Variants in RTN4 observed in about 807,000 individuals in gnomAD.
The protein encoded by RTN4 is reticulon 4, also known as reticulon-4.
RTN4 carries 32 observed loss-of-function variants against 90.4 expected under a neutral mutation model. The ratio of observed to expected loss-of-function variants is 0.35; its 90% CI spans 0.27 to 0.48. The LOEUF (loss-of-function observed/expected upper bound fraction) is 0.48, where lower values mean the gene tolerates loss of function less well. Among genes scored for constraint, RTN4 ranks in the 20% least tolerant of loss-of-function variants. The pLI is 0.99. For missense variants in RTN4, 1,706 were observed against 1,430.2 expected, an observed-to-expected ratio of 1.19 and a Z score of -3.11; for synonymous variants, 629 against 552.5, an observed-to-expected ratio of 1.14 and a Z score of -1.94.
the RTN4 span, among the ~76,000 whole-genome samples, chr2:55,122,935 T>C: frequency 1.3e-5 from 2 of 152,224 alleles, no homozygotes; most frequent in African/African-American, 2.4e-5. Context: ...AATACAAATG[T>C]ACACATGGAC....
intron 3 of RTN4, among the ~76,000 whole-genome samples, chr2:55,001,201 T>G (rs1188131976): frequency 6.6e-6 from 1 of 152,138 alleles, no homozygotes; most frequent in African/African-American, 2.4e-5. Context: ...TTCATTTTAT[T>G]AAAAAACCAA....
rs199604209 is a variant in RTN4, at chr2:54,972,231, C to T, written c.*925G>A. On this transcript the variant is annotated 3_prime_UTR_variant, in exon 9 of 9. Coordinates refer to ENST00000337526, the MANE Select transcript of RTN4 (RefSeq NM_020532.5). The stretch of plus-strand genomic sequence containing the variant: ...TTATTGATACTTTGCTTTTACAGTT[C>T]ACAATGCATTCCACAGATTTAGTTC... 1 of 152,650 alleles carries T rather than the reference C, an allele frequency of 6.6e-6. No individual in the cohort carries two copies. The highest frequency in any genetic ancestry group is 1.5e-5 in the Non-Finnish European group (1 of 68,042). The allele number at this position is 152,650 out of a possible 1,614,324, so 9.5% of individuals were successfully genotyped here.
chr2:55,010,532 CT>C (rs748400028), intron 3 of RTN4: 2 of 181,266 alleles, frequency 1.1e-5, no homozygotes, highest in Non-Finnish European at 2.1e-5. Flanking sequence ...TTTTTTCTTT[CT>C]TTTTTTAACA....
Position 55,000,159 on chromosome 2 carries a change from T to A in RTN4, c.3014-12461A>T, listed in dbSNP as rs978839251. Among the ~76,000 whole-genome samples the A allele has an allele frequency of 3.9e-5, 6 of 152,278 alleles. No homozygotes were observed. In the South Asian group the frequency reaches 1.0e-3, roughly 26 times the overall value. ...TCAAATATTATATGTAATGCTTAGC[T>A]AAGCCCTGATTTTTTAAAAAAGGTG... is the stretch of plus-strand genomic sequence containing the variant. On this transcript the variant is annotated intron_variant, in intron 3 of 8. Coordinates refer to ENST00000337526, the MANE Select transcript of RTN4 (RefSeq NM_020532.5).
chr2:55,132,880 C>G, the RTN4 span, among the ~76,000 whole-genome samples: 2 of 100,986 alleles, frequency 2.0e-5, no homozygotes, highest in African/African-American at 7.4e-5. Context: ...AGTTCTCACT[C>G]TCCAGTTTTG....
Position 54,987,522 on chromosome 2 carries a change from T to C in RTN4, c.3190A>G (p.Ile1064Val). ...GGGTGGCCTTCATCTGATTTCTGGA[T>C]AGCTTGGATCACACCCTTGTATATC... is the stretch of plus-strand genomic sequence containing the variant. ...FRIYKGVIQA[I>V]QKSDEGHPFR... Residue 1064 changes from isoleucine (I) to valine (V), a missense_variant, in exon 4 of 9, where the codon ATC becomes GTC. Physicochemically the swap from Ile to Val is conservative, Grantham distance 29 (BLOSUM62 3). Transcript: ENST00000337526. The C allele has an allele frequency of 6.2e-7, 1 of 1,614,158 alleles. No homozygotes were observed. Among genetic ancestry groups the C allele is most frequent in the Non-Finnish European group, 8.5e-7 (1 of 1,179,990 alleles).
chr2:55,015,602 A>C (rs1680973748), intron 3 of RTN4, among the ~76,000 whole-genome samples: 1 of 152,218 alleles, frequency 6.6e-6, no homozygotes, highest in Admixed American at 6.5e-5. Context: ...ACAAACTGCC[A>C]ACATGTTCAC....
At chr2:55,122,545 G>A in the RTN4 span, among the ~76,000 whole-genome samples, 1 of 152,222 alleles carries the variant, frequency 6.6e-6, no homozygotes, top group Non-Finnish European at 1.5e-5. Flanking sequence ...TGTTTTGTAA[G>A]TGACGTCTGA....
intron 1 of RTN4, among the ~76,000 whole-genome samples, chr2:55,082,630 G>A (rs891615824): frequency 1.3e-5 from 2 of 152,144 alleles, no homozygotes; most frequent in South Asian, 4.1e-4. Context: ...TATGTATTAT[G>A]CTAAGTTCTA....
intron 1 of RTN4, among the ~76,000 whole-genome samples, chr2:55,082,265 C>A (rs891662347): frequency 6.6e-6 from 1 of 152,206 alleles, no homozygotes; most frequent in African/African-American, 2.4e-5. Flanking sequence ...TCTCCCTAAG[C>A]TCTTCCATAG....
At position 55,025,720 on chromosome 2, in the gene RTN4, A is replaced by G. The variant is rs928355171; in HGVS notation, c.2379T>C (p.Pro793=). ...ENKEKLSALP[P]EGGKPYLESF... ...ATTCCAAATATGGCTTTCCTCCCTC[A>G]GGTGGCAAAGCACTGAGTTTTTCCT... Residue 793 remains proline (P), a synonymous_variant, in exon 3 of 9, where the codon CCT becomes CCC. Coordinates refer to ENST00000337526, the MANE Select transcript of RTN4 (RefSeq NM_020532.5). 7 of 1,613,678 alleles carry G rather than the reference A, an allele frequency of 4.3e-6. No homozygotes were observed. The South Asian group carries it at 4.4e-5, about 10-fold the overall frequency.
chr2:55,087,623 T>C (rs748430306), intron 1 of RTN4, among the ~76,000 whole-genome samples: 5 of 152,152 alleles, frequency 3.3e-5, no homozygotes, highest in Non-Finnish European at 7.4e-5. Flanking sequence ...GTTTCCATTT[T>C]TTCATGATTA....
rs565013149 is a variant in RTN4, at chr2:55,081,119, G to A, written c.-213-480C>T. Among the ~76,000 whole-genome samples the A allele has an allele frequency of 8.6e-5, 13 of 152,012 alleles. 1 individual carries two copies. The highest frequency in any genetic ancestry group is 7.9e-4 in the Admixed American group (12 of 15,258). ...AAACAGGAGCTCACTCTGTCACCCAGGCTGGAGCGCAGTGGCATGATCACA... is the reference window on the plus strand; with the variant it reads ...AAACAGGAGCTCACTCTGTCACCCAAGCTGGAGCGCAGTGGCATGATCACA... On this transcript the variant is annotated intron_variant, in intron 1 of 3. Transcript: ENST00000427710.
upstream of RTN4, chr2:55,050,516 C>A: frequency 2.6e-6 from 1 of 388,864 alleles, no homozygotes; most frequent in Non-Finnish European, 4.6e-6. The surrounding 1 kb of genome is among the most constrained non-coding windows in gnomAD (Gnocchi z 4.6). Flanking sequence ...TTGCCGCCGC[C>A]GCCCAGATGA....
At chr2:55,049,580 C>G (rs1415663910) in intron 1 of RTN4, 165 bp downstream of exon 1, 1 of 1,174,364 alleles carries the variant, frequency 8.5e-7, no homozygotes, top group Non-Finnish European at 1.2e-6. Flanking sequence ...GGCCGCCCCA[C>G]CCTTCTCCCC....
chr2:54,989,545 C>T (rs1415819000), intron 3 of RTN4, among the ~76,000 whole-genome samples: 7 of 152,176 alleles, frequency 4.6e-5, no homozygotes, highest in African/African-American at 7.2e-5. Context: ...ATAAGAGCAA[C>T]GCTAATAGGT....
intron 3 of RTN4, among the ~76,000 whole-genome samples, chr2:55,016,014 A>G (rs1008914495): frequency 2.6e-5 from 4 of 152,166 alleles, no homozygotes; most frequent in Non-Finnish European, 5.9e-5. Flanking sequence ...TTTATGGAAA[A>G]TAATTCAGGG....
chr2:55,070,884 C>T (rs1044787019), intron 2 of RTN4, among the ~76,000 whole-genome samples: 7 of 151,888 alleles, frequency 4.6e-5, no homozygotes, highest in Admixed American at 2.6e-4. Context: ...TCACGCCATT[C>T]TCCTGCCTCA....
intron 1 of RTN4, among the ~76,000 whole-genome samples, chr2:55,111,188 T>C (rs1668032666): frequency 6.6e-6 from 1 of 152,232 alleles, no homozygotes; most frequent in Non-Finnish European, 1.5e-5. Context: ...GCTGCAAAGT[T>C]GCTTTTTATT....
Sources: gnomAD v4.1 joint callset for allele counts (sites outside exome capture counted in the v4.1 genomes callset) on GRCh38, gnomAD v4.1.1 for gene constraint, Gnocchi (gnomAD v3.1) non-coding constraint, MANE v1.5 for transcripts, NCBI Gene and HGNC (gene_info 2026-07-23, HGNC 2026-07-21) for gene names.